The following UBR1 variants were observed in gnomAD, a reference collection of about 807,000 sequenced individuals.
UBR1 encodes E3 ubiquitin-protein ligase UBR1.
UBR1 carries 102 observed loss-of-function variants against 242.1 expected under a neutral mutation model. That is an observed-to-expected ratio of 0.42 (90% CI 0.36 to 0.50). UBR1 has a LOEUF of 0.50. Among genes scored for constraint, UBR1 ranks in the 20% least tolerant of loss-of-function variants. UBR1 has a pLI of 0.01. For synonymous variants in UBR1, 675 were observed against 684.8 expected (o/e 0.99, Z 0.22); for missense variants, 1,772 against 2,101.8 (o/e 0.84, Z 3.07).
At chr15:42,977,282 A>C (rs1227236927) in intron 38 of UBR1, among the ~76,000 whole-genome samples, 2 of 152,186 alleles carry the variant, frequency 1.3e-5, no homozygotes, top group Non-Finnish European at 2.9e-5. Context: ...GTCAGGGTTG[A>C]TGACCACTGG....
intron 30 of UBR1, among the ~76,000 whole-genome samples, chr15:43,004,809 G>T (rs1596095735): frequency 1.3e-5 from 2 of 152,176 alleles, no homozygotes; most frequent in Non-Finnish European, 2.9e-5. Context: ...ACCCCGTCTG[G>T]GAAGTGAGGA....
chr15:43,094,875 T>C (rs2034141333), intron 1 of UBR1, among the ~76,000 whole-genome samples: 1 of 152,236 alleles, frequency 6.6e-6, no homozygotes, highest in South Asian at 2.1e-4. Context: ...TCCACTCTCT[T>C]TTCTTTCCTG....
intron 44 of UBR1, among the ~76,000 whole-genome samples, chr15:42,955,513 G>A (rs1016006378): frequency 2.6e-5 from 4 of 152,168 alleles, no homozygotes; most frequent in African/African-American, 9.6e-5. Context: ...AGGCTACTGA[G>A]ATTCTTGTCT....
At chr15:42,957,925 A>T in intron 44 of UBR1, 88 bp downstream of exon 44, 1 of 1,148,718 alleles carries the variant, frequency 8.7e-7, no homozygotes, top group South Asian at 1.3e-5. Flanking sequence ...AAACAAAAAC[A>T]AGGAAGTGTG....
intron 10 of UBR1, among the ~76,000 whole-genome samples, chr15:43,057,388 CTATCT>C (rs1050575728): frequency 7.2e-5 from 11 of 152,180 alleles, no homozygotes; most frequent in African/African-American, 2.7e-4. Flanking sequence ...GGTCCTATAT[CTATCT>C]TAAGTCTTAC....
Position 42,970,596 on chromosome 15 carries a change from C to A in UBR1, c.4381G>T (p.Ala1461Ser). The change falls in exon 40 of 47, where the codon GCT becomes TCT. Residue 1461 changes from alanine (A) to serine (S), a missense_variant. Ala to Ser is a moderately conservative substitution (Grantham distance 99). Around this residue, in one of 3 missense-constraint regions of UBR1, gnomAD observed 965 missense variants for 1,079.7 expected, o/e 0.89. Transcript: ENST00000290650. ...TCTTCACTGTCTTCTTGAACCTGAG[C>A]AAGGGGTAGGCCTGAAAAAGAAATT... ...LLTVDTGLPL[A>S]QVQEDSEEAH... 5.0e-6 allele frequency: 8 copies of A among 1,613,676 alleles called. No individual in the cohort carries two copies. Among genetic ancestry groups the A allele is most frequent in the Non-Finnish European group, 5.1e-6 (6 of 1,179,986 alleles).
intron 37 of UBR1, among the ~76,000 whole-genome samples, chr15:42,979,620 G>A (rs1490735602): frequency 6.6e-6 from 1 of 151,936 alleles, no homozygotes; most frequent in Non-Finnish European, 1.5e-5. Flanking sequence ...GTGCAATCTC[G>A]GCTCACTACA....
At chr15:43,055,846 C>A (rs1423221515) in intron 11 of UBR1, among the ~76,000 whole-genome samples, 1 of 152,090 alleles carries the variant, frequency 6.6e-6, no homozygotes, top group Admixed American at 6.5e-5. Flanking sequence ...ACCCGGGAGG[C>A]GGAGGCTGCA....
At chr15:43,049,207 T>A (rs945949814) in intron 12 of UBR1, among the ~76,000 whole-genome samples, 2 of 152,178 alleles carry the variant, frequency 1.3e-5, no homozygotes, top group Non-Finnish European at 2.9e-5. Flanking sequence ...TGTCCTGAAG[T>A]TCATAGTATA....
chr15:42,998,334 T>C lies in UBR1; in HGVS notation c.3660-69A>G. On this transcript the variant is annotated intron_variant, in intron 32 of 46. Coordinates refer to ENST00000290650, the MANE Select transcript of UBR1 (RefSeq NM_174916.3). ...GTCAAATGGAAAAGCTGAATTTGTATTATTTCCTTGGATAAATGGTCATAT... is the reference window on the plus strand; with the variant it reads ...GTCAAATGGAAAAGCTGAATTTGTACTATTTCCTTGGATAAATGGTCATAT... 3.6e-6 allele frequency: 5 copies of C among 1,380,964 alleles called. No homozygotes were observed. In the Admixed American group the frequency reaches 8.8e-5, roughly 24 times the overall value. 85.5% of individuals were successfully genotyped at this position (1,380,964 alleles called of 1,614,324 possible). A position where few individuals can be genotyped will look rare whatever the true frequency, so the allele number is the denominator to read the frequency against.
At chr15:43,043,128 C>T in intron 15 of UBR1, 87 bp downstream of exon 15, 1 of 1,493,788 alleles carries the variant, frequency 6.7e-7, no homozygotes, top group Non-Finnish European at 9.3e-7. Context: ...ATATTGAGCA[C>T]AGAACAAAAA....
intron 1 of UBR1, among the ~76,000 whole-genome samples, chr15:43,097,466 C>T (rs940789112): frequency 6.6e-6 from 1 of 152,234 alleles, no homozygotes; most frequent in Non-Finnish European, 1.5e-5. Flanking sequence ...TGAAGCCAGG[C>T]ATTGACTTCT....
At chr15:42,957,926 A>G in intron 44 of UBR1, 87 bp downstream of exon 44, 17 of 1,150,020 alleles carry the variant, frequency 1.5e-5, no homozygotes, top group Non-Finnish European at 2.0e-5. Context: ...AACAAAAACA[A>G]GGAAGTGTGT....
intron 44 of UBR1, among the ~76,000 whole-genome samples, chr15:42,957,551 G>A (rs1029599745): frequency 6.6e-6 from 1 of 152,128 alleles, no homozygotes; most frequent in African/African-American, 2.4e-5. Context: ...CCACTGTTAT[G>A]AAGGATACTC....
rs988681117 is a variant in UBR1, at chr15:42,947,619, C to A, written c.5109-2149G>T. 1.6e-3 allele frequency among the ~76,000 whole-genome samples: 236 copies of A among 152,150 alleles called. 1 individual carries two copies. Among genetic ancestry groups the A allele is most frequent in the Non-Finnish European group, 2.5e-3 (170 of 68,002 alleles). On this transcript the variant is annotated intron_variant, in intron 46 of 46. Transcript: ENST00000290650. ...TACAAAATCAATGTACAAAAATCACCAGCATTCTTATACACCAATAACAGA... is the reference window on the plus strand; with the variant it reads ...TACAAAATCAATGTACAAAAATCACAAGCATTCTTATACACCAATAACAGA...
chr15:43,051,468 G>A (rs996051412), intron 12 of UBR1, among the ~76,000 whole-genome samples: 1 of 152,068 alleles, frequency 6.6e-6, no homozygotes, highest in Non-Finnish European at 1.5e-5. Context: ...TATAGCTAAT[G>A]GGTACTAGGC....
intron 35 of UBR1, among the ~76,000 whole-genome samples, chr15:42,985,285 G>A (rs2032441627): frequency 6.6e-6 from 1 of 152,100 alleles, no homozygotes; most frequent in Admixed American, 6.5e-5. Flanking sequence ...ATTTATATAT[G>A]TAATTATAGC....
In UBR1 at chr15:42,950,336, A is replaced by T. The variant is rs147089181; in HGVS notation, c.5034T>A (p.Val1678=). 1.2e-6 allele frequency: 2 copies of T among 1,614,054 alleles called. No homozygotes were observed. The highest frequency in any genetic ancestry group is 2.7e-5 in the African/African-American group (2 of 74,930). The change falls in exon 46 of 47, where the codon GTT becomes GTA. Residue 1678 remains valine (V), a synonymous_variant. Transcript: ENST00000290650. The part of the protein sequence containing the change: ...LKIRECRVVL[V]EGKARGCAYP... ...AGGCACAGCCTCTGGCTTTACCTTC[A>T]ACCAGGACCACTCGGCATTCTCTGA...
chr15:43,021,340 A>G lies in UBR1; in HGVS notation c.2875T>C (p.Leu959=), dbSNP rs200473577. Residue 959 remains leucine, a synonymous_variant, in exon 27 of 47, where the codon TTG becomes CTG. Transcript: ENST00000290650. ...GSSAMNIQML[L]EKLKGIPQLE... is the part of the protein sequence containing the mutation. ...TGGGGAATTCCTTTGAGTTTTTCCAAAAGCATTTGTATATTCATGGCTGAA... is the reference window on the plus strand; with the variant it reads ...TGGGGAATTCCTTTGAGTTTTTCCAGAAGCATTTGTATATTCATGGCTGAA... 8 of 1,613,752 alleles carry G rather than the reference A, an allele frequency of 5.0e-6. No homozygotes were observed. In the East Asian group the frequency reaches 1.8e-4, roughly 36 times the overall value.
Sources: allele counts gnomAD v4.1 joint callset (sites outside exome capture counted in the v4.1 genomes callset), GRCh38; gene constraint gnomAD v4.1.1; regional missense constraint gnomAD v4.1.1; transcripts MANE v1.5; gene names NCBI Gene and HGNC (gene_info 2026-07-23, HGNC 2026-07-21).